The following PTPRG variants were observed in gnomAD, a reference collection of about 807,000 sequenced individuals.
PTPRG encodes the protein protein tyrosine phosphatase receptor type G.
PTPRG carries 102 observed loss-of-function variants against 165.3 expected under a neutral mutation model. The ratio of observed to expected loss-of-function variants is 0.62; its 90% CI spans 0.53 to 0.73. The LOEUF is 0.73. PTPRG is among the 30% of genes least tolerant of loss of function. The pLI is 0.00. For missense variants in PTPRG, 1,866 were observed against 1,861.4 expected, an observed-to-expected ratio of 1.00 and a Z score of -0.05; for synonymous variants, 675 against 669.5, an observed-to-expected ratio of 1.01 and a Z score of -0.13.
chr3:61,707,859 G>C (rs549458753), intron 1 of PTPRG, among the ~76,000 whole-genome samples: 1 of 152,278 alleles, frequency 6.6e-6, no homozygotes, highest in African/African-American at 2.4e-5. Flanking sequence ...TGTGAACATG[G>C]TTCATTGCAG....
intron 8 of PTPRG, among the ~76,000 whole-genome samples, chr3:62,169,969 T>C (rs1159021303): frequency 6.6e-6 from 1 of 152,170 alleles, no homozygotes; most frequent in Non-Finnish European, 1.5e-5. Flanking sequence ...TAGGCTCATG[T>C]TTCTGAAAAG....
At chr3:61,757,976 G>T (rs1315692794) in intron 2 of PTPRG, among the ~76,000 whole-genome samples, 1 of 152,140 alleles carries the variant, frequency 6.6e-6, no homozygotes, top group Non-Finnish European at 1.5e-5. Flanking sequence ...ATTTACTTAA[G>T]GGCTACCAGT....
chr3:62,153,522 A>G (rs552597172), intron 6 of PTPRG, among the ~76,000 whole-genome samples: 9 of 152,316 alleles, frequency 5.9e-5, no homozygotes, highest in Admixed American at 2.0e-4. Context: ...TATATCTAAC[A>G]TGGTATGCCT....
intron 4 of PTPRG, among the ~76,000 whole-genome samples, chr3:62,065,834 C>G (rs900604867): frequency 6.6e-6 from 1 of 152,148 alleles, no homozygotes. Context: ...TGTTCTAGAC[C>G]AGTTGACCCA....
Position 61,908,065 on chromosome 3 carries a change from G to A in PTPRG, c.191-81560G>A, listed in dbSNP as rs1429931910. ...GAGCCCAAGAGTTCGAGGCTATAGTGAGTTATGATTGTGCCACTGCTCCAG... is the reference window on the plus strand; with the variant it reads ...GAGCCCAAGAGTTCGAGGCTATAGTAAGTTATGATTGTGCCACTGCTCCAG... On this transcript the variant is annotated intron_variant, in intron 2 of 29. Transcript: ENST00000474889. 2.1e-5 allele frequency among the ~76,000 whole-genome samples: 3 copies of A among 141,976 alleles called. No homozygotes were observed. In the East Asian group the frequency reaches 6.7e-4, roughly 32 times the overall value. The allele number at this position is 141,976 out of a possible 152,430, so 93.1% of individuals were successfully genotyped here.
At chr3:61,704,296 A>T (rs1416713073) in intron 1 of PTPRG, among the ~76,000 whole-genome samples, 2 of 152,214 alleles carry the variant, frequency 1.3e-5, no homozygotes, top group Non-Finnish European at 2.9e-5. Flanking sequence ...TTGGAGCTTT[A>T]AATGAGTCCA....
intron 12 of PTPRG, among the ~76,000 whole-genome samples, chr3:62,206,317 G>C (rs1405897863): frequency 6.7e-6 from 1 of 148,446 alleles, no homozygotes; most frequent in Non-Finnish European, 1.5e-5. Context: ...CCACCCTACA[G>C]AAATCTGAGA....
intron 4 of PTPRG, among the ~76,000 whole-genome samples, chr3:62,009,890 C>T (rs1442932476): frequency 6.6e-6 from 1 of 152,098 alleles, no homozygotes; most frequent in Non-Finnish European, 1.5e-5. Context: ...ATCCCTCCTT[C>T]ACTGCTGGAA....
rs543882036 is a variant in PTPRG at position 62,248,509 on chromosome 3, T to C, written c.2467+4611T>C. 2.6e-3 allele frequency among the ~76,000 whole-genome samples: 397 copies of C among 152,302 alleles called. 1 individual carries two copies. Among genetic ancestry groups the C allele is most frequent in the African/African-American group, 9.2e-3 (384 of 41,568 alleles). The stretch of plus-strand genomic sequence containing the variant: ...CACAAAATTCTGTCTTTAAGATCCA[T>C]AATATTCTTAACACTGACAGGTACT... On this transcript the variant is annotated intron_variant, in intron 15 of 29. Transcript: ENST00000474889.
chr3:61,884,768 C>T (rs1175348564), intron 2 of PTPRG, among the ~76,000 whole-genome samples: 1 of 152,150 alleles, frequency 6.6e-6, no homozygotes, highest in East Asian at 1.9e-4. Context: ...GGCCTCGTCT[C>T]TTCTTGATTT....
At chr3:62,041,572 TCC>T in intron 4 of PTPRG, among the ~76,000 whole-genome samples, 1 of 152,342 alleles carries the variant, frequency 6.6e-6, no homozygotes, top group South Asian at 2.1e-4. Context: ...TTTAGATTTC[TCC>T]CATTGTGCTT....
intron 4 of PTPRG, among the ~76,000 whole-genome samples, chr3:62,017,460 G>T (rs576289592): frequency 1.5e-4 from 22 of 151,522 alleles, no homozygotes; most frequent in South Asian, 4.2e-4. Flanking sequence ...CTTTCGCCCA[G>T]GCTGGAGTGC....
At chr3:62,086,410 G>GA (rs1701754807) in intron 5 of PTPRG, among the ~76,000 whole-genome samples, 1 of 151,670 alleles carries the variant, frequency 6.6e-6, no homozygotes, top group Non-Finnish European at 1.5e-5. Context: ...CAGACCCCCA[G>GA]AAAAAAACAA....
intron 5 of PTPRG, among the ~76,000 whole-genome samples, chr3:62,094,018 C>T (rs181557791): frequency 2.0e-5 from 3 of 152,194 alleles, no homozygotes; most frequent in Non-Finnish European, 4.4e-5. Context: ...AACTTTGTTT[C>T]TGTGTGCCAG....
At chr3:61,978,500 A>G (rs994228311) in intron 2 of PTPRG, among the ~76,000 whole-genome samples, 2 of 117,188 alleles carry the variant, frequency 1.7e-5, no homozygotes, top group African/African-American at 8.1e-5. Context: ...GTAATAAAAT[A>G]AGTTTGTAAT....
At chr3:62,256,977 C>G (rs1311611585) in intron 16 of PTPRG, among the ~76,000 whole-genome samples, 2 of 152,040 alleles carry the variant, frequency 1.3e-5, no homozygotes, top group African/African-American at 4.8e-5. Flanking sequence ...AACTTTAGAG[C>G]TTAAATAGTA....
At chr3:61,889,404 T>G (rs2038144687) in intron 2 of PTPRG, among the ~76,000 whole-genome samples, 1 of 152,230 alleles carries the variant, frequency 6.6e-6, no homozygotes, top group South Asian at 2.1e-4. Flanking sequence ...GCGAGTGTGC[T>G]CTCTTCAAGC....
intron 4 of PTPRG, among the ~76,000 whole-genome samples, chr3:62,021,509 T>C (rs1393377025): frequency 6.6e-6 from 1 of 152,226 alleles, no homozygotes; most frequent in East Asian, 1.9e-4. Flanking sequence ...GTATACCCTT[T>C]TTGTTAAAAT....
intron 1 of PTPRG, among the ~76,000 whole-genome samples, chr3:61,693,087 T>C (rs2030326414): frequency 6.6e-6 from 1 of 152,206 alleles, no homozygotes; most frequent in South Asian, 2.1e-4. Context: ...GAAAAAAAGA[T>C]TAACAATGGA....
Sources: gnomAD v4.1 joint callset for allele counts (sites outside exome capture counted in the v4.1 genomes callset) on GRCh38, gnomAD v4.1.1 for gene constraint, MANE v1.5 for transcripts, NCBI Gene and HGNC (gene_info 2026-07-23, HGNC 2026-07-21) for gene names.